The following LRP12 variants were observed in gnomAD, a reference collection of about 807,000 sequenced individuals.
The protein encoded by LRP12 is LDL receptor related protein 12.
In LRP12, 14 loss-of-function variants were observed where a neutral mutation model predicts 66.0. That is an observed-to-expected ratio of 0.21 (90% CI 0.14 to 0.33). The LOEUF is 0.33. Among genes scored for constraint, LRP12 ranks in the 10% least tolerant of loss-of-function variants. The pLI is 1.00. For missense variants in LRP12, 889 were observed against 1,053.4 expected (o/e 0.84, Z 2.16); for synonymous variants, 357 against 359.1 (o/e 0.99, Z 0.07).
chr8:104,516,568 G>C (rs1372630919), intron 2 of LRP12, among the ~76,000 whole-genome samples: 1 of 152,034 alleles, frequency 6.6e-6, no homozygotes, highest in Non-Finnish European at 1.5e-5. Context: ...GTATAGTTTA[G>C]AAAACAGGGC....
intron 1 of LRP12, among the ~76,000 whole-genome samples, chr8:104,576,656 C>G (rs1422710256): frequency 6.6e-6 from 1 of 152,152 alleles, no homozygotes; most frequent in Non-Finnish European, 1.5e-5. Flanking sequence ...TACAAAAGCA[C>G]ACTGAAGTAT....
At chr8:104,555,511 CAT>C (rs1358749550) in intron 1 of LRP12, among the ~76,000 whole-genome samples, 3 of 151,926 alleles carry the variant, frequency 2.0e-5, no homozygotes, top group African/African-American at 7.3e-5. Context: ...TATCAGACAA[CAT>C]AAACTTGAAA....
rs373229204 is a variant in LRP12, at chr8:104,491,561, T to C, written c.1714-22A>G. ...AAGCCTACAAAAATAAGAAAAGATC[T>C]TAAGATAGTTAACAACAAGGTACTA... On this transcript the variant is annotated intron_variant, in intron 6 of 6. Coordinates refer to ENST00000276654, the MANE Select transcript of LRP12 (RefSeq NM_013437.5). 3 of 1,534,452 alleles carry C rather than the reference T, an allele frequency of 2.0e-6. No individual in the cohort carries two copies. The African/African-American group carries it at 4.2e-5, about 22-fold the overall frequency.
intron 1 of LRP12, among the ~76,000 whole-genome samples, chr8:104,550,431 T>C (rs1811708640): frequency 6.6e-6 from 1 of 152,190 alleles, no homozygotes; most frequent in Non-Finnish European, 1.5e-5. Context: ...TTACAATAAA[T>C]ACTGTCTTTT....
chr8:104,546,113 CTG>C (rs1196129665), intron 1 of LRP12, among the ~76,000 whole-genome samples: 1 of 152,088 alleles, frequency 6.6e-6, no homozygotes. Flanking sequence ...GGGCTTGTAA[CTG>C]GGGCTCAGAG....
chr8:104,497,784 C>T lies in LRP12; in HGVS notation c.768G>A (p.Val256=). 6.2e-7 allele frequency: 1 copy of T among 1,614,098 alleles called. No individual in the cohort carries two copies. The highest frequency in any genetic ancestry group is 8.5e-7 in the Non-Finnish European group (1 of 1,180,016). ...ATTTTAGCCATTGCCCACATGTTGG[C>T]ACATCACAGTCTATCTCATCTCCTA... ...LDLGDEIDCD[V]PTCGQWLKYF... is the part of the protein sequence containing the mutation. The change falls in exon 5 of 7, where the codon GTG becomes GTA. Residue 256 remains valine, a synonymous_variant. Coordinates refer to ENST00000276654, the MANE Select transcript of LRP12 (RefSeq NM_013437.5). The surrounding 1 kb of genome is among the most constrained non-coding windows in gnomAD (Gnocchi z 4.3).
chr8:104,510,995 A>G (rs1038029103), intron 2 of LRP12, among the ~76,000 whole-genome samples: 3 of 151,300 alleles, frequency 2.0e-5, no homozygotes, highest in African/African-American at 4.9e-5. Flanking sequence ...GAGATGGCCA[A>G]ATACCACTAT....
At position 104,588,998 on chromosome 8, in the gene LRP12, C is replaced by T. The variant is rs1489139928; in HGVS notation, c.-101G>A. 2 of 879,372 alleles carry T rather than the reference C, an allele frequency of 2.3e-6. No homozygotes were observed. Among genetic ancestry groups the T allele is most frequent in the African/African-American group, 3.6e-5 (2 of 56,262 alleles). The allele number at this position is 879,372 out of a possible 1,614,324, so 54.5% of individuals were successfully genotyped here. The stretch of plus-strand genomic sequence containing the variant: ...CCGCCGCCGCCGCCGCCGCCGCCGC[C>T]GAGCCACCGGCTGCTCCCTGCGCTC... On this transcript the variant is annotated 5_prime_UTR_variant, in exon 1 of 7. Transcript: ENST00000276654.
intron 2 of LRP12, among the ~76,000 whole-genome samples, chr8:104,517,813 T>C (rs1811094010): frequency 6.6e-6 from 1 of 152,006 alleles, no homozygotes; most frequent in South Asian, 2.1e-4. Context: ...CCAATGGAAA[T>C]AAATGTACTT....
At chr8:104,586,443 A>C (rs1812334499) in intron 1 of LRP12, among the ~76,000 whole-genome samples, 1 of 152,192 alleles carries the variant, frequency 6.6e-6, no homozygotes. Flanking sequence ...GTTAACAGTG[A>C]TTGTGAATAT....
intron 2 of LRP12, among the ~76,000 whole-genome samples, chr8:104,510,605 T>C (rs1047841585): frequency 2.6e-5 from 4 of 152,230 alleles, no homozygotes; most frequent in African/African-American, 7.2e-5. Flanking sequence ...TTTAAAATTC[T>C]AGAACGTCTT....
In LRP12 at chr8:104,546,987, GTATATAA is replaced by G. The variant is rs1468910378; in HGVS notation, c.80-15031_80-15025del. 4.1e-3 allele frequency among the ~76,000 whole-genome samples: 566 copies of G among 138,440 alleles called. 3 individuals are homozygous for G. The highest frequency in any genetic ancestry group is 0.012 in the Middle Eastern group (3 of 242). The allele number at this position is 138,440 out of a possible 152,430, so 90.8% of individuals were successfully genotyped here. A position where few individuals can be genotyped will look rare whatever the true frequency, so the allele number is the denominator to read the frequency against. ...TATCATATATAATTCTATACATTTT[GTATATAA>G]TATATAATTATATATTCTGTATATA... is the stretch of plus-strand genomic sequence containing the variant. On this transcript the variant is annotated intron_variant, in intron 1 of 6. Coordinates refer to ENST00000276654, the MANE Select transcript of LRP12 (RefSeq NM_013437.5).
intron 1 of LRP12, among the ~76,000 whole-genome samples, chr8:104,577,301 T>C (rs991348771): frequency 5.3e-5 from 8 of 152,218 alleles, no homozygotes; most frequent in African/African-American, 1.9e-4. Flanking sequence ...AGATGGCACG[T>C]ACTCTAAAAT....
chr8:104,561,329 C>T (rs1463115684), intron 1 of LRP12, among the ~76,000 whole-genome samples: 3 of 152,150 alleles, frequency 2.0e-5, no homozygotes, highest in Admixed American at 6.5e-5. Context: ...ACACTGTCTC[C>T]TTACCCTACT....
intron 1 of LRP12, among the ~76,000 whole-genome samples, chr8:104,541,622 G>A (rs1324469702): frequency 2.0e-5 from 3 of 151,944 alleles, no homozygotes; most frequent in Admixed American, 6.6e-5. Flanking sequence ...TTTCATCACC[G>A]CCTCAAAAAA....
chr8:104,494,210 G>T (rs767171696), intron 6 of LRP12, among the ~76,000 whole-genome samples: 2 of 152,256 alleles, frequency 1.3e-5, no homozygotes, highest in Non-Finnish European at 2.9e-5. Context: ...CACAACTTAG[G>T]TTTTTCCTAC....
chr8:104,507,191 G>A (rs1007209107), intron 3 of LRP12: 2 of 152,158 alleles, frequency 1.3e-5, no homozygotes, highest in African/African-American at 2.4e-5. Context: ...ATATGCAGGT[G>A]TGTCATCTTT....
At chr8:104,560,479 A>G (rs1443006825) in intron 1 of LRP12, among the ~76,000 whole-genome samples, 1 of 152,206 alleles carries the variant, frequency 6.6e-6, no homozygotes, top group East Asian at 1.9e-4. Flanking sequence ...ACAGCAACCT[A>G]GGAGGCAACA....
chr8:104,499,790 T>G (rs1470449199), intron 3 of LRP12, among the ~76,000 whole-genome samples: 1 of 151,798 alleles, frequency 6.6e-6, no homozygotes, highest in Non-Finnish European at 1.5e-5. Flanking sequence ...TTGGCACCTT[T>G]TCTTTTTCTT....
Sources: allele counts gnomAD v4.1 joint callset (sites outside exome capture counted in the v4.1 genomes callset), GRCh38; gene constraint gnomAD v4.1.1; non-coding constraint Gnocchi (gnomAD v3.1); transcripts MANE v1.5; gene names NCBI Gene and HGNC (gene_info 2026-07-23, HGNC 2026-07-21).